The following DIMT1 variants were observed in gnomAD, a reference collection of about 807,000 sequenced individuals.
DIMT1 encodes the protein dimethyladenosine transferase.
DIMT1 carries 36 observed loss-of-function variants against 43.2 expected under a neutral mutation model. The observed-to-expected ratio is 0.83, with a 90% CI of 0.64 to 1.10. The LOEUF (loss-of-function observed/expected upper bound fraction) is 1.10. Among genes scored for constraint, DIMT1 ranks in the 50% least tolerant of loss-of-function variants. DIMT1 has a pLI of 0.00. For synonymous variants in DIMT1, 126 were observed against 130.3 expected (o/e 0.97, Z 0.22); for missense variants, 341 against 385.3 (o/e 0.88, Z 0.96).
chr5:62,403,418 C>G (rs1742782169), intron 1 of DIMT1, 72 bp from the exon 2 acceptor site: 1 of 1,430,640 alleles, frequency 7.0e-7, no homozygotes, highest in African/African-American at 1.4e-5. Flanking sequence ...GAGAAGAAAG[C>G]TGCATGGGTA....
intron 8 of DIMT1, 88 bp downstream of exon 8, chr5:62,393,867 A>G: frequency 2.6e-6 from 3 of 1,137,520 alleles, no homozygotes; most frequent in South Asian, 3.0e-5. Flanking sequence ...ATTTAGGTTG[A>G]TTCAATATTT....
At chr5:62,389,768 T>C (rs1742212681) in intron 11 of DIMT1, among the ~76,000 whole-genome samples, 1 of 152,162 alleles carries the variant, frequency 6.6e-6, no homozygotes, top group Non-Finnish European at 1.5e-5. Context: ...TCAAATTAAA[T>C]ACACATTGTT....
chr5:62,402,440 C>A (rs538548744), intron 2 of DIMT1, among the ~76,000 whole-genome samples: 4 of 152,168 alleles, frequency 2.6e-5, no homozygotes, highest in South Asian at 2.1e-4. Flanking sequence ...CTTCTCTGTT[C>A]GTATCAACAA....
At chr5:62,402,728 T>C (rs1349987206) in intron 2 of DIMT1, among the ~76,000 whole-genome samples, 2 of 152,196 alleles carry the variant, frequency 1.3e-5, no homozygotes, top group Admixed American at 1.3e-4. Flanking sequence ...TTTCTACAGC[T>C]CCAGGATGCT....
chr5:62,403,380 T>A (rs1561295134), intron 1 of DIMT1, 34 bp from the exon 2 acceptor site: 3 of 1,595,766 alleles, frequency 1.9e-6, no homozygotes, highest in Non-Finnish European at 2.6e-6. Context: ...TTAATTTTCC[T>A]ACTGAGATTA....
chr5:62,400,990 A>G (rs1263848370), intron 3 of DIMT1, among the ~76,000 whole-genome samples: 1 of 151,888 alleles, frequency 6.6e-6, no homozygotes, highest in Non-Finnish European at 1.5e-5. Context: ...GGCTCAAGCC[A>G]TCCACCCGCC....
chr5:62,387,273 T>C lies in DIMT1; in HGVS notation c.*1737A>G, dbSNP rs1001636177. On this transcript the variant is annotated 3_prime_UTR_variant, in exon 12 of 12. Transcript: ENST00000199320. ...GTAAGATATATTCTATTTGTGTTTA[T>C]TTCAAAGGGAAGAGGAAGGATGGAG... 5.3e-5 allele frequency: 8 copies of C among 152,192 alleles called. No homozygotes were observed. The highest frequency in any genetic ancestry group is 8.8e-5 in the Non-Finnish European group (6 of 68,026). The allele number at this position is 152,192 out of a possible 1,614,324, so 9.4% of individuals were successfully genotyped here.
At chr5:62,394,915 TAGC>T (rs1742427220) in intron 6 of DIMT1, among the ~76,000 whole-genome samples, 1 of 152,118 alleles carries the variant, frequency 6.6e-6, no homozygotes, top group African/African-American at 2.4e-5. Context: ...ATTGTTTCAG[TAGC>T]AGTAATATAT....
At chr5:62,402,970 A>T (rs1742759148) in intron 2 of DIMT1, among the ~76,000 whole-genome samples, 1 of 152,220 alleles carries the variant, frequency 6.6e-6, no homozygotes, top group Admixed American at 6.5e-5. Flanking sequence ...GTACATAAAA[A>T]CTAAGTGATC....
In DIMT1 at chr5:62,403,821, G is replaced by C. The variant is rs772067205; in HGVS notation, c.-49C>G. ...GCCCGGGACGTCAAGGAGGACCAAA[G>C]AGGGCTAGCGTGAGAAAGCCACCAC... is the stretch of plus-strand genomic sequence containing the variant. On this transcript the variant is annotated 5_prime_UTR_variant, in exon 1 of 12. Transcript: ENST00000199320. 2.5e-6 allele frequency: 4 copies of C among 1,577,108 alleles called. No homozygotes were observed. The South Asian group carries it at 3.4e-5, about 13-fold the overall frequency.
At chr5:62,398,370 A>C in intron 6 of DIMT1, 141 bp downstream of exon 6, 1 of 789,832 alleles carries the variant, frequency 1.3e-6, no homozygotes, top group Non-Finnish European at 2.1e-6. Context: ...TAAAGAGAGA[A>C]AGACCTCCAT....
rs758847833 is a variant in DIMT1 at position 62,396,139 on chromosome 5, G to GTTT, written c.447-1535_447-1533dup. 2.6e-5 allele frequency among the ~76,000 whole-genome samples: 3 copies of GTTT among 116,746 alleles called. 1 individual carries two copies. The highest frequency in any genetic ancestry group is 5.1e-5 in the Non-Finnish European group (3 of 58,704). The allele number at this position is 116,746 out of a possible 152,430, so 76.6% of individuals were successfully genotyped here. On this transcript the variant is annotated intron_variant, in intron 6 of 11. Coordinates refer to ENST00000199320, the MANE Select transcript of DIMT1 (RefSeq NM_014473.4). ...GGGGAATTTAGCCATGTCACTGCAGGTTTTTTTTTTTTACATTATTAACTG... is the reference window on the plus strand; with the variant it reads ...GGGGAATTTAGCCATGTCACTGCAGGTTTTTTTTTTTTTTTACATTATTAACTG...
At chr5:62,401,971 T>C (rs75646497) in intron 3 of DIMT1, 65 bp downstream of exon 3, 2 of 1,478,634 alleles carry the variant, frequency 1.4e-6, no homozygotes, top group East Asian at 2.3e-5. Flanking sequence ...CATATTTAGA[T>C]TGTAAACCAA....
In DIMT1 at chr5:62,398,324, G is replaced by A. The variant is rs1742572509; in HGVS notation, c.446+187C>T. On this transcript the variant is annotated intron_variant, in intron 6 of 11. Coordinates refer to ENST00000199320, the MANE Select transcript of DIMT1 (RefSeq NM_014473.4). ...AAAGGCTGTCTGGTCTCAGAAGCAG[G>A]ACTTCCAGCACACTACCCCCAAATA... 6 of 585,062 alleles carry A rather than the reference G, an allele frequency of 1.0e-5. No homozygotes were observed. In the Admixed American group the frequency reaches 1.8e-4, roughly 18 times the overall value. 36.2% of individuals were successfully genotyped at this position (585,062 alleles called of 1,614,324 possible).
chr5:62,401,750 T>C (rs1580132089), intron 3 of DIMT1, among the ~76,000 whole-genome samples: 1 of 151,480 alleles, frequency 6.6e-6, no homozygotes, highest in East Asian at 2.0e-4. Flanking sequence ...ACTCGGCTAA[T>C]TTTTGTATTT....
intron 6 of DIMT1, among the ~76,000 whole-genome samples, chr5:62,395,486 T>G (rs1250646216): frequency 6.6e-6 from 1 of 152,186 alleles, no homozygotes; most frequent in Non-Finnish European, 1.5e-5. Context: ...AATGTCTGTA[T>G]GTATATGTGT....
chr5:62,402,254 A>G (rs914903486), intron 2 of DIMT1, 132 bp from the exon 3 acceptor site: 24 of 862,010 alleles, frequency 2.8e-5, no homozygotes, highest in Non-Finnish European at 3.9e-5. Flanking sequence ...AGATTTCTTC[A>G]TGATCTACGT....
chr5:62,399,986 C>T (rs1453903223), intron 3 of DIMT1, among the ~76,000 whole-genome samples: 1 of 152,056 alleles, frequency 6.6e-6, no homozygotes, highest in Non-Finnish European at 1.5e-5. Flanking sequence ...CTCATATAAT[C>T]AATAGAATCA....
intron 10 of DIMT1, 124 bp from the exon 11 acceptor site, chr5:62,391,106 A>T (rs1580118954): frequency 2.8e-6 from 2 of 705,828 alleles, no homozygotes; most frequent in East Asian, 5.3e-5. Flanking sequence ...GAGACTTTGG[A>T]AAGCCTGATT....
Sources: gnomAD v4.1 joint callset for allele counts (sites outside exome capture counted in the v4.1 genomes callset) on GRCh38, gnomAD v4.1.1 for gene constraint, MANE v1.5 for transcripts, NCBI Gene and HGNC (gene_info 2026-07-23, HGNC 2026-07-21) for gene names.